The following NMUR2 variants were observed in gnomAD, a reference collection of about 807,000 sequenced individuals.
NMUR2 encodes the protein neuromedin U receptor 2, also known as neuromedin-U receptor 2.
Under a neutral mutation model 25.1 loss-of-function variants are expected in NMUR2, and 24 were observed. The ratio of observed to expected loss-of-function variants is 0.96; its 90% CI spans 0.69 to 1.34. The LOEUF is 1.34. Among genes scored for constraint, NMUR2 ranks in the 40% most tolerant of loss-of-function variants. NMUR2 has a pLI of 0.00. For synonymous variants in NMUR2, 218 were observed against 208.1 expected, an observed-to-expected ratio of 1.05 and a Z score of -0.41; for missense variants, 533 against 512.8, an observed-to-expected ratio of 1.04 and a Z score of -0.38.
rs549059350 is a variant in NMUR2 at position 152,397,144 on chromosome 5, T to A, written c.811+916A>T. 1.6e-3 allele frequency among the ~76,000 whole-genome samples: 248 copies of A among 151,278 alleles called. 2 individuals carry two copies. The highest frequency in any genetic ancestry group is 5.7e-3 in the African/African-American group (237 of 41,340). On this transcript the variant is annotated intron_variant, in intron 2 of 3. Coordinates refer to ENST00000255262, the MANE Select transcript of NMUR2 (RefSeq NM_020167.5). Reference sequence around the variant, plus strand: ...GCTAAAATATTTCCAAGAAGATAACTCTTAGAATCGAGAAGACCCACTTCA... The same window carrying A: ...GCTAAAATATTTCCAAGAAGATAACACTTAGAATCGAGAAGACCCACTTCA...
At chr5:152,402,413 G>T (rs1753273098) in intron 1 of NMUR2, among the ~76,000 whole-genome samples, 1 of 152,026 alleles carries the variant, frequency 6.6e-6, no homozygotes, top group Non-Finnish European at 1.5e-5. Context: ...TTCTTTCCTG[G>T]TGTCCTCTGG....
intron 2 of NMUR2, among the ~76,000 whole-genome samples, chr5:152,396,776 C>T (rs1390412514): frequency 6.6e-6 from 1 of 151,920 alleles, no homozygotes; most frequent in Non-Finnish European, 1.5e-5. Flanking sequence ...CCTGTAATCC[C>T]AGCTACTCAG....
At position 152,405,170 on chromosome 5, in the gene NMUR2, G is replaced by T; in HGVS notation, c.-57C>A. The T allele has an allele frequency of 2.3e-4, 269 of 1,155,544 alleles. No individual in the cohort carries two copies. Among genetic ancestry groups the T allele is most frequent in the Non-Finnish European group, 2.8e-4 (244 of 877,360 alleles). 71.6% of individuals were successfully genotyped at this position (1,155,544 alleles called of 1,614,324 possible). A position where few individuals can be genotyped will look rare whatever the true frequency, so the allele number is the denominator to read the frequency against. On this transcript the variant is annotated 5_prime_UTR_variant, in exon 1 of 4. Transcript: ENST00000255262. ...GAGGCTCTGTTTCAAGCTGAGCCAGGAAAAAAAAAAAAAAAAGAAAAAAGG... is the reference window on the plus strand; with the variant it reads ...GAGGCTCTGTTTCAAGCTGAGCCAGTAAAAAAAAAAAAAAAAGAAAAAAGG...
At chr5:152,392,791 GA>G (rs1159377930) in intron 3 of NMUR2, among the ~76,000 whole-genome samples, 1 of 152,176 alleles carries the variant, frequency 6.6e-6, no homozygotes, top group African/African-American at 2.4e-5. Flanking sequence ...TTTAATTAAA[GA>G]ACATGTTTCT....
At chr5:152,396,291 CTAAAGA>C (rs1414267914) in intron 2 of NMUR2, among the ~76,000 whole-genome samples, 2 of 151,620 alleles carry the variant, frequency 1.3e-5, no homozygotes, top group African/African-American at 2.4e-5. Context: ...TGGGATTCGC[CTAAAGA>C]TAATCTTTTG....
chr5:152,396,356 G>A (rs1490116295), intron 2 of NMUR2, among the ~76,000 whole-genome samples: 1 of 151,988 alleles, frequency 6.6e-6, no homozygotes, highest in East Asian at 1.9e-4. Context: ...TAGCTATGAG[G>A]TAATACTTTT....
Position 152,404,394 on chromosome 5 carries a change from T to C in NMUR2, c.720A>G (p.Ala240=), listed in dbSNP as rs1266059588. The stretch of plus-strand genomic sequence containing the variant: ...CCCCAGCCTAGATACTCACTCTGAG[T>C]GCCATGAGGTAGTAGAGGACACTGA... ...TVISVLYYLM[A]LRLKKDKSLE... is the part of the protein sequence containing the mutation. The change falls in exon 1 of 4, where the codon GCA becomes GCG. Residue 240 remains alanine (A), a synonymous_variant. Coordinates refer to ENST00000255262, the MANE Select transcript of NMUR2 (RefSeq NM_020167.5). 1 of 1,609,026 alleles carries C rather than the reference T, an allele frequency of 6.2e-7. No individual in the cohort carries two copies. The highest frequency in any genetic ancestry group is 8.5e-7 in the Non-Finnish European group (1 of 1,176,524).
At position 152,404,566 on chromosome 5, in the gene NMUR2, C is replaced by A; in HGVS notation, c.548G>T (p.Ser183Ile). 1.2e-6 allele frequency: 2 copies of A among 1,614,066 alleles called. No homozygotes were observed. Among genetic ancestry groups the A allele is most frequent in the Non-Finnish European group, 1.7e-6 (2 of 1,180,004 alleles). Residue 183 changes from serine (S) to isoleucine (I), a missense_variant, in exon 1 of 4, where the codon AGC (serine) becomes ATC (isoleucine). Physicochemically the swap from Ser to Ile is moderately radical, Grantham distance 142. Transcript: ENST00000255262. ...FSVLFSLPNT[S>I]IHGIKFHYFP... The stretch of plus-strand genomic sequence containing the variant: ...GTAGTGGAACTTGATGCCATGGATG[C>A]TGGTGTTGGGCAGGGAGAAGAGCAC...
At position 152,404,520 on chromosome 5, in the gene NMUR2, G is replaced by C. The variant is rs1753315254; in HGVS notation, c.594C>G (p.Val198=). 6.2e-7 allele frequency: 1 copy of C among 1,614,108 alleles called. No homozygotes were observed. The highest frequency in any genetic ancestry group is 1.3e-5 in the African/African-American group (1 of 75,020). ...TGACCGTACAGGTGGCCGAACCTGG[G>C]ACCAGGGACCCATTGGGGAAGTAGT... ...KFHYFPNGSL[V]PGSATCTVIK... is the part of the protein sequence containing the mutation. The change falls in exon 1 of 4, where the codon GTC becomes GTG. Residue 198 remains valine, a synonymous_variant. Coordinates refer to ENST00000255262, the MANE Select transcript of NMUR2 (RefSeq NM_020167.5).
chr5:152,404,303 C>A, intron 1 of NMUR2, 85 bp downstream of exon 1: 2 of 1,464,506 alleles, frequency 1.4e-6, no homozygotes, highest in Non-Finnish European at 1.8e-6. Context: ...TTCTGAATTT[C>A]CCCAATTCTA....
intron 1 of NMUR2, among the ~76,000 whole-genome samples, chr5:152,403,211 C>A (rs538713659): frequency 6.6e-6 from 1 of 152,078 alleles, no homozygotes; most frequent in Non-Finnish European, 1.5e-5. Flanking sequence ...TCTGATGTGA[C>A]CTTTTCATTT....
chr5:152,402,133 A>G (rs1018070924), intron 1 of NMUR2, among the ~76,000 whole-genome samples: 1 of 152,188 alleles, frequency 6.6e-6, no homozygotes, highest in Non-Finnish European at 1.5e-5. Flanking sequence ...AAAATCACGG[A>G]GAGCCATGAG....
In NMUR2 at chr5:152,404,690, C is replaced by T. The variant is rs1753322541; in HGVS notation, c.424G>A (p.Val142Met). The change falls in exon 1 of 4, where the codon GTG (valine) becomes ATG (methionine). Residue 142 changes from valine (V) to methionine (M), a missense_variant. Coordinates refer to ENST00000255262, the MANE Select transcript of NMUR2 (RefSeq NM_020167.5). ...ASILSITTVS[V>M]ERYVAILHPF... The stretch of plus-strand genomic sequence containing the variant: ...TGTAGGATGGCCACGTAGCGCTCCA[C>T]GCTGACGGTGGTGATGCTGAGGATG... 1.2e-5 allele frequency: 20 copies of T among 1,614,110 alleles called. No individual in the cohort carries two copies. The highest frequency in any genetic ancestry group is 1.5e-5 in the Non-Finnish European group (18 of 1,180,026).
chr5:152,401,241 T>G (rs1360418107), intron 1 of NMUR2, among the ~76,000 whole-genome samples: 2 of 152,092 alleles, frequency 1.3e-5, no homozygotes, highest in Non-Finnish European at 2.9e-5. Context: ...AAAGGAGGAG[T>G]GCAAATTTGT....
chr5:152,405,246 G>T lies in NMUR2; in HGVS notation c.-133C>A, dbSNP rs141539337. On this transcript the variant is annotated 5_prime_UTR_variant, in exon 1 of 4. Coordinates refer to ENST00000255262, the MANE Select transcript of NMUR2 (RefSeq NM_020167.5). ...GAAAGTCACAGGCTTCGTAAGGAAG[G>T]CTGGGAGAGAGTGAGTGTTTCACCC... 1.8e-6 allele frequency: 2 copies of T among 1,085,622 alleles called. No individual in the cohort carries two copies. The highest frequency in any genetic ancestry group is 2.6e-6 in the Non-Finnish European group (2 of 772,464). The allele number at this position is 1,085,622 out of a possible 1,614,324, so 67.2% of individuals were successfully genotyped here.
intron 2 of NMUR2, 27 bp from the exon 3 acceptor site, chr5:152,395,611 C>T (rs1343680760): frequency 1.9e-6 from 3 of 1,611,052 alleles, no homozygotes; most frequent in South Asian, 1.1e-5. Flanking sequence ...AATGGGAGAC[C>T]AGAAGACAGT....
chr5:152,394,844 CTTTTTTTT>C (rs34269811), intron 3 of NMUR2, among the ~76,000 whole-genome samples: 1 of 103,184 alleles, frequency 9.7e-6, no homozygotes, highest in African/African-American at 4.0e-5. Flanking sequence ...GTACAGGAGG[CTTTTTTTT>C]TTTTTTTTTT....
rs1230269648 is a variant in NMUR2, at chr5:152,405,277, G to T, written c.-164C>A. Reference sequence around the variant, plus strand: ...AGAGAGTGAGTGTTTCACCCTCCAGGTTAGGCTGCCTGGACCGCCGATCCC... The same window carrying T: ...AGAGAGTGAGTGTTTCACCCTCCAGTTTAGGCTGCCTGGACCGCCGATCCC... On this transcript the variant is annotated 5_prime_UTR_variant, in exon 1 of 4. Coordinates refer to ENST00000255262, the MANE Select transcript of NMUR2 (RefSeq NM_020167.5). The T allele has an allele frequency of 2.5e-6, 2 of 798,848 alleles. No homozygotes were observed. The highest frequency in any genetic ancestry group is 3.8e-6 in the Non-Finnish European group (2 of 525,284). The allele number at this position is 798,848 out of a possible 1,614,324, so 49.5% of individuals were successfully genotyped here.
intron 1 of NMUR2, among the ~76,000 whole-genome samples, chr5:152,403,726 TTA>T (rs1162498717): frequency 8.1e-5 from 12 of 148,108 alleles, no homozygotes; most frequent in Middle Eastern, 7.1e-3. Context: ...TAACTATATA[TTA>T]TATATATGAC....
Sources: gnomAD v4.1 joint callset for allele counts (sites outside exome capture counted in the v4.1 genomes callset) on GRCh38, gnomAD v4.1.1 for gene constraint, MANE v1.5 for transcripts, NCBI Gene and HGNC (gene_info 2026-07-23, HGNC 2026-07-21) for gene names.